Variants in GPHN observed in about 807,000 individuals in gnomAD.
GPHN encodes the protein gephyrin.
In GPHN, 17 loss-of-function variants were observed where a neutral mutation model predicts 95.5. That is an observed-to-expected ratio of 0.18 (90% CI 0.12 to 0.27). The LOEUF is 0.27. Among genes scored for constraint, GPHN ranks in the 10% least tolerant of loss-of-function variants. The pLI is 1.00. For missense variants in GPHN, 660 were observed against 978.1 expected (o/e 0.67, Z 4.34); for synonymous variants, 320 against 322.5 (o/e 0.99, Z 0.08).
At chr14:67,560,726 T>TC in the GPHN span, among the ~76,000 whole-genome samples, 62 of 122,988 alleles carry the variant, frequency 5.0e-4, no homozygotes, top group African/African-American at 1.9e-3. Flanking sequence ...TGAACATATA[T>TC]CTTTTTTTTT....
chr14:66,972,139 A>G (rs1045615564), intron 9 of GPHN, among the ~76,000 whole-genome samples: 1 of 151,820 alleles, frequency 6.6e-6, no homozygotes, highest in African/African-American at 2.4e-5. Context: ...GTGGTGGTAC[A>G]TGCCTGTAGT....
the GPHN span, among the ~76,000 whole-genome samples, chr14:67,635,858 A>AT: frequency 3.3e-5 from 5 of 152,118 alleles, no homozygotes; most frequent in African/African-American, 7.2e-5. Flanking sequence ...TCTAAAAAAA[A>AT]TTTTTTTTAA....
Position 67,111,796 on chromosome 14 carries a change from C to T in GPHN, c.1414-65C>T, listed in dbSNP as rs752971231. 3.5e-4 allele frequency: 409 copies of T among 1,171,630 alleles called. 1 individual carries two copies. The highest frequency in any genetic ancestry group is 3.5e-4 in the Admixed American group (21 of 59,242). The allele number at this position is 1,171,630 out of a possible 1,614,324, so 72.6% of individuals were successfully genotyped here. A position where few individuals can be genotyped will look rare whatever the true frequency, so the allele number is the denominator to read the frequency against. On this transcript the variant is annotated intron_variant, in intron 14 of 22. Transcript: ENST00000478722. Reference sequence around the variant, plus strand: ...TGGGCCTATCTGATGGTAAAAGTATCGGAGTAACTAAATTCTACTGCTCAG... The same window carrying T: ...TGGGCCTATCTGATGGTAAAAGTATTGGAGTAACTAAATTCTACTGCTCAG...
intron 9 of GPHN, among the ~76,000 whole-genome samples, chr14:67,010,971 G>A (rs1403310053): frequency 1.3e-5 from 2 of 152,124 alleles, no homozygotes; most frequent in Admixed American, 1.3e-4. Context: ...GTATTTAGAT[G>A]ATATCAAATT....
At chr14:67,208,622 T>C in the GPHN span, among the ~76,000 whole-genome samples, 1 of 152,352 alleles carries the variant, frequency 6.6e-6, no homozygotes, top group African/African-American at 2.4e-5. Flanking sequence ...TGGTTCAACT[T>C]TGGCTAATTT....
the GPHN span, among the ~76,000 whole-genome samples, chr14:67,311,048 G>A: frequency 6.6e-6 from 1 of 151,870 alleles, no homozygotes; most frequent in Non-Finnish European, 1.5e-5. Flanking sequence ...GTGGTGGCTC[G>A]TGTCTGTAAT....
At chr14:67,374,654 ATAT>A in the GPHN span, 1 of 687,232 alleles carries the variant, frequency 1.5e-6, no homozygotes, top group Non-Finnish European at 2.3e-6. Flanking sequence ...TTATGATCTA[ATAT>A]TCTCAAATTA....
At position 66,924,275 on chromosome 14, in the gene GPHN, C is replaced by G. The variant is rs745440766; in HGVS notation, c.811C>G (p.His271Asp). 3.1e-6 allele frequency: 5 copies of G among 1,599,544 alleles called. No homozygotes were observed. In the Admixed American group the frequency reaches 5.0e-5, roughly 16 times the overall value. ...PIPGLINYSH[H>D]STDERIPDSI... is the part of the protein sequence containing the mutation. ...CCCTGGTCTCATCAATTATTCCCATCATTCAACAGATGAACGGGTAAGACA... is the reference window on the plus strand; with the variant it reads ...CCCTGGTCTCATCAATTATTCCCATGATTCAACAGATGAACGGGTAAGACA... The change falls in exon 8 of 23, where the codon CAT (histidine) becomes GAT (aspartate). Residue 271 changes from histidine to aspartate, a missense_variant. By Grantham distance (81) the His-to-Asp change is moderately conservative. Coordinates refer to ENST00000478722, the MANE Select transcript of GPHN (RefSeq NM_020806.5).
At chr14:67,576,768 G>A in the GPHN span, among the ~76,000 whole-genome samples, 8 of 152,258 alleles carry the variant, frequency 5.3e-5, no homozygotes, top group African/African-American at 9.6e-5. The surrounding 1 kb of genome is among the most constrained non-coding windows in gnomAD (Gnocchi z 4.0). Flanking sequence ...AAGCTGCCCC[G>A]TTGCTGGCTG....
At chr14:66,614,300 G>A (rs2062906241) in intron 1 of GPHN, among the ~76,000 whole-genome samples, 1 of 152,078 alleles carries the variant, frequency 6.6e-6, no homozygotes, top group African/African-American at 2.4e-5. Flanking sequence ...ACGAGTAAGA[G>A]GTACCAGAAC....
At chr14:67,346,428 C>T in the GPHN span, among the ~76,000 whole-genome samples, 3 of 152,240 alleles carry the variant, frequency 2.0e-5, no homozygotes, top group African/African-American at 4.8e-5. Context: ...CCTCCCACCT[C>T]GGCCTCCCGA....
At chr14:67,730,683 A>G in the GPHN span, among the ~76,000 whole-genome samples, 2 of 152,114 alleles carry the variant, frequency 1.3e-5, no homozygotes, top group Non-Finnish European at 2.9e-5. Context: ...GGCTCACTGC[A>G]ACTTCAGCCT....
At chr14:67,246,652 T>G in the GPHN span, among the ~76,000 whole-genome samples, 44 of 145,732 alleles carry the variant, frequency 3.0e-4, 1 homozygote, top group Non-Finnish European at 1.5e-5. Flanking sequence ...ACTATAGGTT[T>G]TTTTTTTTTT....
At chr14:66,694,167 CAGAGA>C (rs2067973027) in intron 2 of GPHN, among the ~76,000 whole-genome samples, 2 of 152,060 alleles carry the variant, frequency 1.3e-5, no homozygotes, top group Admixed American at 6.6e-5. Flanking sequence ...GTCATGAGGG[CAGAGA>C]CCTCATGAAT....
chr14:67,016,497 G>T (rs1057410032), intron 9 of GPHN, among the ~76,000 whole-genome samples: 1 of 151,804 alleles, frequency 6.6e-6, no homozygotes, highest in Admixed American at 6.6e-5. Flanking sequence ...AATGAAAGAA[G>T]ATAATAAATA....
chr14:67,221,944 G>T, the GPHN span: 3 of 1,090,062 alleles, frequency 2.8e-6, no homozygotes, highest in East Asian at 5.2e-5. Flanking sequence ...TCTTCACTAT[G>T]CTCCATTCTG....
chr14:66,793,697 A>G (rs945500180), intron 3 of GPHN, among the ~76,000 whole-genome samples: 1 of 152,188 alleles, frequency 6.6e-6, no homozygotes, highest in African/African-American at 2.4e-5. Context: ...AGAACTATTT[A>G]GGAGTAACAT....
the GPHN span, among the ~76,000 whole-genome samples, chr14:67,354,212 T>C: frequency 6.6e-6 from 1 of 152,262 alleles, no homozygotes. Context: ...AAAAGTTTAT[T>C]AATTTACAAC....
At chr14:66,837,612 TAAAAA>T in intron 4 of GPHN, among the ~76,000 whole-genome samples, 1 of 126,872 alleles carries the variant, frequency 7.9e-6, no homozygotes, top group East Asian at 2.4e-4. Flanking sequence ...AATAAATAAA[TAAAAA>T]TAAATAAATA....
Sources: allele counts gnomAD v4.1 joint callset (sites outside exome capture counted in the v4.1 genomes callset), GRCh38; gene constraint gnomAD v4.1.1; non-coding constraint Gnocchi (gnomAD v3.1); transcripts MANE v1.5; gene names NCBI Gene and HGNC (gene_info 2026-07-23, HGNC 2026-07-21).